Variants in ASB2 observed in about 807,000 individuals in gnomAD.
ASB2 encodes ankyrin repeat and SOCS box containing 2.
ASB2 carries 58 observed loss-of-function variants against 62.4 expected under a neutral mutation model. That is an observed-to-expected ratio of 0.93 (90% CI 0.75 to 1.16). The LOEUF is 1.16. Ranked by LOEUF, ASB2 falls within the 50% of genes most tolerant of loss-of-function variation. The pLI is 0.00. For synonymous variants in ASB2, 386 were observed against 385.3 expected, an observed-to-expected ratio of 1.00 and a Z score of -0.02; for missense variants, 928 against 887.9, an observed-to-expected ratio of 1.05 and a Z score of -0.57.
intron 1 of ASB2, among the ~76,000 whole-genome samples, chr14:93,969,273 G>T (rs530990641): frequency 6.6e-6 from 1 of 152,180 alleles, no homozygotes; most frequent in Admixed American, 6.5e-5. Flanking sequence ...CTATGGCGGC[G>T]TCTCCTGGGG....
chr14:93,976,280 C>T (rs1319137901), intron 1 of ASB2, among the ~76,000 whole-genome samples, 154 bp downstream of exon 1: 1 of 152,166 alleles, frequency 6.6e-6, no homozygotes, highest in African/African-American at 2.4e-5. Context: ...AAGTCACCAG[C>T]GTGCTGTATA....
intron 9 of ASB2, among the ~76,000 whole-genome samples, chr14:93,936,919 G>A (rs909410096): frequency 2.6e-5 from 4 of 152,226 alleles, no homozygotes; most frequent in African/African-American, 9.6e-5. Context: ...TTGCCCAGGT[G>A]AGCTCCAAAA....
chr14:93,935,674 G>A (rs1042480932), intron 9 of ASB2, among the ~76,000 whole-genome samples: 1 of 152,210 alleles, frequency 6.6e-6, no homozygotes, highest in Non-Finnish European at 1.5e-5. Context: ...CAAGCCTGGG[G>A]CTGGAGGGGC....
intron 1 of ASB2, among the ~76,000 whole-genome samples, chr14:93,973,762 A>AC (rs146977386): frequency 0.032 from 4,795 of 152,198 alleles, 267 homozygotes; most frequent in African/African-American, 0.11. Context: ...CAGGCCCCTG[A>AC]CCCATATTCT....
intron 7 of ASB2, among the ~76,000 whole-genome samples, chr14:93,946,191 G>A (rs1168000115): frequency 6.6e-6 from 1 of 152,190 alleles, no homozygotes; most frequent in African/African-American, 2.4e-5. Flanking sequence ...CCTGGGGACG[G>A]GGCTTTCAAG....
intron 2 of ASB2, among the ~76,000 whole-genome samples, chr14:93,957,651 G>A (rs12436854): frequency 0.074 from 11,265 of 152,234 alleles, 463 homozygotes; most frequent in African/African-American, 0.097. Flanking sequence ...AGTGGAGTGT[G>A]AGGCACAGAG....
Position 93,939,105 on chromosome 14 carries a change from C to T in ASB2, c.1617+3G>A, listed in dbSNP as rs561303589. 2.0e-6 allele frequency: 3 copies of T among 1,483,732 alleles called. No individual in the cohort carries two copies. Among genetic ancestry groups the T allele is most frequent in the East Asian group, 2.5e-5 (1 of 40,342 alleles). 91.9% of individuals were successfully genotyped at this position (1,483,732 alleles called of 1,614,324 possible). A position where few individuals can be genotyped will look rare whatever the true frequency, so the allele number is the denominator to read the frequency against. ...CTCCCCACCGCCAGCGTGCGCTGCC[C>T]ACCTGCACCACGCTGGGCTCCTTGT... On this transcript the variant is annotated splice_donor_region_variant and intron_variant, in intron 8 of 9. Coordinates refer to ENST00000555019, the MANE Select transcript of ASB2 (RefSeq NM_001202429.2).
chr14:93,949,512 C>T (rs1266253850), intron 6 of ASB2, among the ~76,000 whole-genome samples: 1 of 152,238 alleles, frequency 6.6e-6, no homozygotes, highest in Non-Finnish European at 1.5e-5. Context: ...TCAGCAAATG[C>T]CAGTTGCTCA....
At chr14:93,956,320 G>C (rs1193891049) in intron 3 of ASB2, among the ~76,000 whole-genome samples, 1 of 152,192 alleles carries the variant, frequency 6.6e-6, no homozygotes, top group Non-Finnish European at 1.5e-5. Context: ...TGGGCATTTT[G>C]GATGTACCCA....
intron 7 of ASB2, among the ~76,000 whole-genome samples, chr14:93,944,539 A>G (rs1888651006): frequency 6.6e-6 from 1 of 152,174 alleles, no homozygotes; most frequent in Non-Finnish European, 1.5e-5. Context: ...TGTCACATCA[A>G]ATCCCCGAGC....
At chr14:93,956,131 G>A (rs925406891) in intron 3 of ASB2, among the ~76,000 whole-genome samples, 11 of 152,144 alleles carry the variant, frequency 7.2e-5, no homozygotes, top group African/African-American at 1.9e-4. Context: ...GGCTGCTTCC[G>A]GGGTCACTAT....
chr14:93,958,936 T>C (rs1889316512), intron 2 of ASB2, among the ~76,000 whole-genome samples: 1 of 152,240 alleles, frequency 6.6e-6, no homozygotes, highest in South Asian at 2.1e-4. Context: ...AGGACCTGTC[T>C]CTGCATAGTA....
chr14:93,963,572 G>GCTTGAAA (rs1212178826), intron 2 of ASB2, among the ~76,000 whole-genome samples: 1 of 152,306 alleles, frequency 6.6e-6, no homozygotes, highest in South Asian at 2.1e-4. Context: ...GCTAGGGAGC[G>GCTTGAAA]CTTGAAACGT....
intron 1 of ASB2, among the ~76,000 whole-genome samples, chr14:93,969,757 G>A (rs142259170): frequency 5.3e-5 from 8 of 152,192 alleles, no homozygotes; most frequent in South Asian, 4.1e-4. Flanking sequence ...GCCTGGCCCC[G>A]CAGGGCCTTC....
At chr14:93,946,852 G>T (rs772786290) in intron 7 of ASB2, among the ~76,000 whole-genome samples, 3 of 152,140 alleles carry the variant, frequency 2.0e-5, no homozygotes, top group Non-Finnish European at 4.4e-5. Context: ...TAATTGCCTG[G>T]GAGGTTATCC....
At position 93,954,303 on chromosome 14, in the gene ASB2, A is replaced by G; in HGVS notation, c.478+14T>C. 1 of 1,609,606 alleles carries G rather than the reference A, an allele frequency of 6.2e-7. No homozygotes were observed. The highest frequency in any genetic ancestry group is 8.5e-7 in the Non-Finnish European group (1 of 1,177,754). The stretch of plus-strand genomic sequence containing the variant: ...CTTTCCCACCTCTTGCCACCGTCAG[A>G]GCCCAGCCCTCACCTCGCTGCAGGA... On this transcript the variant is annotated intron_variant, in intron 4 of 9. Coordinates refer to ENST00000555019, the MANE Select transcript of ASB2 (RefSeq NM_001202429.2).
At chr14:93,954,118 C>T in intron 4 of ASB2, 199 bp downstream of exon 4, 1 of 593,776 alleles carries the variant, frequency 1.7e-6, no homozygotes, top group Middle Eastern at 4.5e-4. Context: ...TCCTTGGAGG[C>T]CTGGAGAGGT....
chr14:93,954,686 A>G (rs899949934), intron 3 of ASB2, among the ~76,000 whole-genome samples: 1 of 152,230 alleles, frequency 6.6e-6, no homozygotes, highest in African/African-American at 2.4e-5. Flanking sequence ...GCTGCCGGGA[A>G]TGTTATACCA....
In ASB2 at chr14:93,939,286, G is replaced by C. The variant is rs771230801; in HGVS notation, c.1439C>G (p.Ala480Gly). The C allele has an allele frequency of 6.2e-7, 1 of 1,609,532 alleles. No individual in the cohort carries two copies. The highest frequency in any genetic ancestry group is 1.7e-5 in the Admixed American group (1 of 59,918). ...GCACTTCATGGCGAACATGATGGTG[G>C]CGGGGAAGGCGGTGGGGTGCGTGGC... is the stretch of plus-strand genomic sequence containing the variant. ...YIATHPTAFP[A>G]TIMFAMKCLS... Residue 480 changes from alanine to glycine, a missense_variant, in exon 8 of 10, where the codon GCC becomes GGC. Coordinates refer to ENST00000555019, the MANE Select transcript of ASB2 (RefSeq NM_001202429.2).
Sources: allele counts gnomAD v4.1 joint callset (sites outside exome capture counted in the v4.1 genomes callset), GRCh38; gene constraint gnomAD v4.1.1; transcripts MANE v1.5; gene names NCBI Gene and HGNC (gene_info 2026-07-23, HGNC 2026-07-21).